The following RAD51B variants were observed in gnomAD, a reference collection of about 807,000 sequenced individuals.
RAD51B encodes the protein DNA repair protein RAD51 homolog 2.
RAD51B carries 38 observed loss-of-function variants against 42.2 expected under a neutral mutation model. The observed-to-expected ratio is 0.90, with a 90% CI of 0.70 to 1.18. The LOEUF (loss-of-function observed/expected upper bound fraction) is 1.18. Among genes scored for constraint, RAD51B ranks in the 50% most tolerant of loss-of-function variants. The pLI is 0.00. For synonymous variants in RAD51B, 154 were observed against 145.2 expected (o/e 1.06, Z -0.43); for missense variants, 373 against 400.7 (o/e 0.93, Z 0.59).
chr14:68,682,887 T>A (rs945156495), intron 11 of RAD51B: 20 of 919,090 alleles, frequency 2.2e-5, no homozygotes, highest in South Asian at 1.0e-4. Context: ...TTTTTTTTTT[T>A]AATAAAAATC....
At chr14:68,357,081 T>C (rs1223116119) in intron 8 of RAD51B, among the ~76,000 whole-genome samples, 1 of 152,150 alleles carries the variant, frequency 6.6e-6, no homozygotes, top group Non-Finnish European at 1.5e-5. Flanking sequence ...TTTGATAACA[T>C]TTTATCCACG....
At chr14:68,545,943 C>T (rs1888212026) in intron 10 of RAD51B, among the ~76,000 whole-genome samples, 1 of 152,172 alleles carries the variant, frequency 6.6e-6, no homozygotes, top group Non-Finnish European at 1.5e-5. Context: ...TGCCCCACCC[C>T]ATTATTTCCT....
intron 4 of RAD51B, among the ~76,000 whole-genome samples, chr14:67,851,812 G>A (rs1248137690): frequency 6.6e-6 from 1 of 152,098 alleles, no homozygotes; most frequent in Non-Finnish European, 1.5e-5. Context: ...GCCTTTGGAA[G>A]CTCCACCCTA....
At chr14:68,206,620 T>C (rs2079591333) in intron 7 of RAD51B, among the ~76,000 whole-genome samples, 1 of 152,076 alleles carries the variant, frequency 6.6e-6, no homozygotes, top group African/African-American at 2.4e-5. Flanking sequence ...ATCATTTTGG[T>C]ATATAAACTG....
intron 1 of RAD51B, among the ~76,000 whole-genome samples, chr14:67,821,167 A>G (rs2040613952): frequency 6.6e-6 from 1 of 152,190 alleles, no homozygotes; most frequent in South Asian, 2.1e-4. Context: ...TTTAAATAGC[A>G]ATTGTAATGC....
rs375425018 is a variant in RAD51B at position 68,195,795 on chromosome 14, C to T, written c.757-96089C>T. ...TGGTGGCACATGCCTGTAAACCCAGCTACTTGGGAGGCTGAGGCAGGAGAA... is the reference window on the plus strand; with the variant it reads ...TGGTGGCACATGCCTGTAAACCCAGTTACTTGGGAGGCTGAGGCAGGAGAA... On this transcript the variant is annotated intron_variant, in intron 7 of 10. Transcript: ENST00000471583. 2.3e-3 allele frequency among the ~76,000 whole-genome samples: 342 copies of T among 151,356 alleles called. 2 individuals are homozygous for T. The highest frequency in any genetic ancestry group is 4.1e-3 in the Non-Finnish European group (280 of 67,920).
intron 8 of RAD51B, among the ~76,000 whole-genome samples, chr14:68,355,610 GT>G (rs926607046): frequency 1.3e-5 from 2 of 151,264 alleles, no homozygotes; most frequent in Admixed American, 6.6e-5. Context: ...AGTGGTTTGG[GT>G]TTTTTTTTCT....
At chr14:68,518,573 C>T (rs999346822) in intron 10 of RAD51B, among the ~76,000 whole-genome samples, 11 of 151,644 alleles carry the variant, frequency 7.3e-5, no homozygotes, top group Non-Finnish European at 1.3e-4. Flanking sequence ...CCAGGCCTCC[C>T]CCATCCACTT....
chr14:68,450,134 C>T (rs775278710), intron 9 of RAD51B, among the ~76,000 whole-genome samples: 1 of 149,866 alleles, frequency 6.7e-6, no homozygotes, highest in Non-Finnish European at 1.5e-5. Flanking sequence ...AGTGGCCTGC[C>T]TGGTAGGCGG....
intron 7 of RAD51B, among the ~76,000 whole-genome samples, chr14:68,117,616 A>C (rs1032846863): frequency 6.6e-6 from 1 of 152,220 alleles, no homozygotes; most frequent in Non-Finnish European, 1.5e-5. Context: ...CCATAGTAAA[A>C]GAGATTAAAA....
At chr14:68,016,328 C>G (rs538847604) in intron 7 of RAD51B, among the ~76,000 whole-genome samples, 1 of 152,184 alleles carries the variant, frequency 6.6e-6, no homozygotes, top group East Asian at 1.9e-4. Context: ...TTTTACAACT[C>G]CCACCATGGC....
At chr14:68,062,842 A>G (rs1334376703) in intron 7 of RAD51B, among the ~76,000 whole-genome samples, 2 of 151,468 alleles carry the variant, frequency 1.3e-5, no homozygotes, top group Admixed American at 6.6e-5. Flanking sequence ...GAAAAAAAAA[A>G]AAGAATTCAG....
chr14:68,595,336 A>G (rs1332013575), exon 11 of RAD51B: 4 of 1,066,326 alleles, frequency 3.8e-6, no homozygotes, highest in Non-Finnish European at 4.5e-6. Flanking sequence ...CTTGAAGAAA[A>G]GAAGACCAGG....
chr14:68,568,393 T>C (rs1280691513), intron 10 of RAD51B, among the ~76,000 whole-genome samples: 1 of 152,216 alleles, frequency 6.6e-6, no homozygotes, highest in Non-Finnish European at 1.5e-5. Context: ...GTACAGCTTA[T>C]TTTCTGATGA....
At chr14:67,851,929 G>C (rs1332049674) in intron 4 of RAD51B, among the ~76,000 whole-genome samples, 1 of 152,152 alleles carries the variant, frequency 6.6e-6, no homozygotes, top group African/African-American at 2.4e-5. Context: ...CAGGGGCTGG[G>C]CCTCTGAGAG....
intron 3 of RAD51B, among the ~76,000 whole-genome samples, chr14:67,833,851 C>T (rs2041139755): frequency 6.6e-6 from 1 of 152,198 alleles, no homozygotes; most frequent in African/African-American, 2.4e-5. Flanking sequence ...CTATTACCTT[C>T]TTCTAGCTAC....
At chr14:68,302,581 A>G (rs550087101) in intron 8 of RAD51B, among the ~76,000 whole-genome samples, 1 of 152,282 alleles carries the variant, frequency 6.6e-6, no homozygotes, top group Admixed American at 6.5e-5. Flanking sequence ...ACACAGAAAT[A>G]TAGAGGTGTG....
intron 7 of RAD51B, among the ~76,000 whole-genome samples, chr14:68,015,598 G>A (rs1280264745): frequency 5.9e-5 from 9 of 152,060 alleles, no homozygotes; most frequent in African/African-American, 1.4e-4. Flanking sequence ...ATCAGATTTC[G>A]GGAGACTTAT....
chr14:67,949,649 A>T (rs1160211852), intron 7 of RAD51B, among the ~76,000 whole-genome samples: 2 of 152,222 alleles, frequency 1.3e-5, no homozygotes, highest in Non-Finnish European at 2.9e-5. Context: ...CTAGAATGGT[A>T]AATTCTTTCC....
Sources: allele counts gnomAD v4.1 joint callset (sites outside exome capture counted in the v4.1 genomes callset), GRCh38; gene constraint gnomAD v4.1.1; transcripts MANE v1.5; gene names NCBI Gene and HGNC (gene_info 2026-07-23, HGNC 2026-07-21).